The following KLHL14 variants were observed in gnomAD, a reference collection of about 807,000 sequenced individuals.
The protein encoded by KLHL14 is kelch like family member 14.
KLHL14 carries 22 observed loss-of-function variants against 64.3 expected under a neutral mutation model. The observed-to-expected ratio is 0.34, with a 90% confidence interval of 0.24 to 0.49. The LOEUF is 0.49. Ranked by LOEUF, KLHL14 falls within the 20% of genes least tolerant of loss-of-function variation. The probability of loss-of-function intolerance (pLI) is 0.99; values close to 1 mark genes in which losing one functional copy is unlikely to be tolerated. For missense variants in KLHL14, 661 were observed against 789.0 expected (o/e 0.84, Z 1.94); for synonymous variants, 322 against 333.4 (o/e 0.97, Z 0.37).
At chr18:32,745,244 A>ATT (rs1284694451) in intron 2 of KLHL14, 1 of 152,190 alleles carries the variant, frequency 6.6e-6, no homozygotes, top group African/African-American at 2.4e-5. Flanking sequence ...ATCTTGTGTT[A>ATT]TTCAGTTTTC....
chr18:32,708,711 C>T lies in KLHL14; in HGVS notation c.1070-13159G>A, dbSNP rs112554930. ...GTTGCATGATCCAGCCAGGTCCTTG[C>T]GAGGGGTTTTCACACTGGAGCTGAA... On this transcript the variant is annotated intron_variant, in intron 3 of 8. Coordinates refer to ENST00000359358, the MANE Select transcript of KLHL14 (RefSeq NM_020805.3). Among the ~76,000 whole-genome samples the T allele has an allele frequency of 2.4e-3, 368 of 152,268 alleles. 1 individual carries two copies. Among genetic ancestry groups the T allele is most frequent in the African/African-American group, 8.4e-3 (350 of 41,550 alleles).
At chr18:32,689,815 C>T (rs556591279) in intron 4 of KLHL14, among the ~76,000 whole-genome samples, 2 of 152,262 alleles carry the variant, frequency 1.3e-5, no homozygotes, top group South Asian at 4.1e-4. Context: ...AAGGGTTTAT[C>T]TTCTGAGTGC....
chr18:32,726,005 A>G (rs566680772), intron 3 of KLHL14, among the ~76,000 whole-genome samples: 1 of 152,352 alleles, frequency 6.6e-6, no homozygotes, highest in South Asian at 2.1e-4. Flanking sequence ...CTAATAAATA[A>G]GAGTTACTAC....
intron 3 of KLHL14, among the ~76,000 whole-genome samples, chr18:32,721,782 T>A (rs2050081078): frequency 6.6e-6 from 1 of 152,162 alleles, no homozygotes; most frequent in African/African-American, 2.4e-5. Context: ...TCATCTCTCT[T>A]CAAATCACAA....
At chr18:32,746,724 C>T (rs1346401134) in intron 2 of KLHL14, among the ~76,000 whole-genome samples, 1 of 152,180 alleles carries the variant, frequency 6.6e-6, no homozygotes, top group Non-Finnish European at 1.5e-5. Context: ...AAATATTTCT[C>T]ATTTATGAAA....
intron 2 of KLHL14, among the ~76,000 whole-genome samples, chr18:32,756,296 A>G (rs1473928219): frequency 1.3e-5 from 2 of 152,220 alleles, no homozygotes; most frequent in Admixed American, 6.5e-5. Context: ...GAGGCTCCGC[A>G]GAAATCAACC....
intron 3 of KLHL14, among the ~76,000 whole-genome samples, chr18:32,724,547 C>CCA (rs1252353855): frequency 6.6e-6 from 1 of 152,172 alleles, no homozygotes; most frequent in Non-Finnish European, 1.5e-5. Context: ...GTGGCTTGGA[C>CCA]ACACCCTTAA....
chr18:32,762,626 G>A (rs977963725), intron 2 of KLHL14, among the ~76,000 whole-genome samples: 1 of 152,038 alleles, frequency 6.6e-6, no homozygotes, highest in Non-Finnish European at 1.5e-5. Context: ...GCTATTTACA[G>A]TAAAATGAAC....
At chr18:32,747,507 G>A (rs2050229581) in intron 2 of KLHL14, among the ~76,000 whole-genome samples, 1 of 152,134 alleles carries the variant, frequency 6.6e-6, no homozygotes, top group Non-Finnish European at 1.5e-5. Flanking sequence ...CCTCACATGT[G>A]CAATTCACGT....
At chr18:32,691,469 G>A (rs937048265) in intron 4 of KLHL14, among the ~76,000 whole-genome samples, 4 of 152,128 alleles carry the variant, frequency 2.6e-5, no homozygotes, top group East Asian at 3.9e-4. Flanking sequence ...GCTCAAAGTC[G>A]GGAGTTCAAG....
intron 2 of KLHL14, among the ~76,000 whole-genome samples, chr18:32,768,584 A>G (rs950744940): frequency 6.6e-6 from 1 of 152,162 alleles, no homozygotes; most frequent in African/African-American, 2.4e-5. Context: ...ATCTGGAATC[A>G]TGATGTTTTA....
chr18:32,761,707 G>A (rs927243737), intron 2 of KLHL14, among the ~76,000 whole-genome samples: 2 of 152,098 alleles, frequency 1.3e-5, no homozygotes, highest in Non-Finnish European at 2.9e-5. Context: ...TCTTTTTACT[G>A]TAAATTGCAT....
chr18:32,724,952 T>C (rs2050100293), intron 3 of KLHL14, among the ~76,000 whole-genome samples: 2 of 152,028 alleles, frequency 1.3e-5, no homozygotes, highest in South Asian at 4.1e-4. Flanking sequence ...GACACATAAG[T>C]GCTCAATTAA....
intron 4 of KLHL14, among the ~76,000 whole-genome samples, chr18:32,693,413 C>CACACAGAGAG (rs1229737083): frequency 1.9e-4 from 18 of 97,036 alleles, no homozygotes; most frequent in African/African-American, 7.7e-4. Flanking sequence ...CACACACACA[C>CACACAGAGAG]AGAGAGAGAG....
chr18:32,744,165 T>C (rs2050212836), intron 2 of KLHL14: 1 of 152,108 alleles, frequency 6.6e-6, no homozygotes, highest in Admixed American at 6.5e-5. Context: ...TATAAACAAA[T>C]TAACTGCTTA....
intron 3 of KLHL14, among the ~76,000 whole-genome samples, chr18:32,699,301 C>A (rs1178524768): frequency 6.6e-6 from 1 of 152,090 alleles, no homozygotes; most frequent in African/African-American, 2.4e-5. Flanking sequence ...TTATATTGAT[C>A]TATATTATAG....
intron 3 of KLHL14, among the ~76,000 whole-genome samples, chr18:32,711,805 A>G (rs1447508213): frequency 6.6e-6 from 1 of 152,024 alleles, no homozygotes; most frequent in Non-Finnish European, 1.5e-5. Context: ...TGGCATACAC[A>G]CTCAACTCTC....
intron 2 of KLHL14, among the ~76,000 whole-genome samples, chr18:32,763,995 G>A (rs2050327683): frequency 6.6e-6 from 1 of 152,160 alleles, no homozygotes; most frequent in African/African-American, 2.4e-5. Flanking sequence ...CAATCCAGTT[G>A]ATCCACTCAT....
Position 32,770,445 on chromosome 18 carries a change from G to C in KLHL14, c.147C>G (p.Ala49=), listed in dbSNP as rs770378655. The C allele has an allele frequency of 6.2e-7, 1 of 1,612,186 alleles. No homozygotes were observed. The highest frequency in any genetic ancestry group is 1.7e-5 in the Admixed American group (1 of 59,940). ...AGTACTGCGAGCAGGAGGCCAGCAC[G>C]GCCTTGTGGCAATGGAACTGCTGGC... The part of the protein sequence containing the change: ...AQGQQFHCHK[A]VLASCSQYFR... Residue 49 remains alanine (A), a synonymous_variant, in exon 2 of 9, where the codon GCC becomes GCG. Coordinates refer to ENST00000359358, the MANE Select transcript of KLHL14 (RefSeq NM_020805.3). This position sits in a 1 kb window ranked among gnomAD's most constrained non-coding sequence, Gnocchi z 6.7.
Sources: allele counts gnomAD v4.1 joint callset (sites outside exome capture counted in the v4.1 genomes callset), GRCh38; gene constraint gnomAD v4.1.1; non-coding constraint Gnocchi (gnomAD v3.1); transcripts MANE v1.5; gene names NCBI Gene and HGNC (gene_info 2026-07-23, HGNC 2026-07-21).